The following DCAF6 variants were observed in gnomAD, a reference collection of about 807,000 sequenced individuals.
DCAF6 encodes the protein DDB1 and CUL4 associated factor 6.
DCAF6 carries 54 observed loss-of-function variants against 125.1 expected under a neutral mutation model. The ratio of observed to expected loss-of-function variants is 0.43; its 90% CI spans 0.35 to 0.54. DCAF6 has a LOEUF of 0.54. Among genes scored for constraint, DCAF6 ranks in the 20% least tolerant of loss-of-function variants. DCAF6 has a pLI of 0.01. For synonymous variants in DCAF6, 371 were observed against 390.4 expected (o/e 0.95, Z 0.58); for missense variants, 934 against 1,161.7 (o/e 0.80, Z 2.85).
At position 168,003,895 on chromosome 1, in the gene DCAF6, G is replaced by C; in HGVS notation, c.1023G>C (p.Leu341Phe). 2 of 1,611,038 alleles carry C rather than the reference G, an allele frequency of 1.2e-6. No individual in the cohort carries two copies. Among genetic ancestry groups the C allele is most frequent in the Admixed American group, 3.3e-5 (2 of 59,926 alleles). The part of the protein sequence containing the change: ...RDGEQSPNVS[L>F]MQRMSDMLSR... The stretch of plus-strand genomic sequence containing the variant: ...GAGAGCAGAGTCCCAATGTGTCATT[G>C]ATGCAGAGAATGTCTGATATGTTAT... Residue 341 changes from leucine to phenylalanine, a missense_variant, in exon 9 of 22, where the codon TTG (leucine) becomes TTC (phenylalanine). By Grantham distance (22) the Leu-to-Phe change is conservative. This residue lies in a region of DCAF6 where 559 missense variants were observed against 635.5 expected (regional missense o/e 0.88). Coordinates refer to ENST00000367840, the MANE Select transcript of DCAF6 (RefSeq NM_001198956.2).
At chr1:167,967,064 C>T (rs2272911) in intron 3 of DCAF6, among the ~76,000 whole-genome samples, 31,387 of 151,796 alleles carry the variant, frequency 0.21, 3,867 homozygotes, top group Admixed American at 0.36. Flanking sequence ...TTATGTGTTA[C>T]CTTAATATAT....
chr1:168,025,912 G>A (rs376987488), intron 12 of DCAF6, among the ~76,000 whole-genome samples: 23 of 152,166 alleles, frequency 1.5e-4, no homozygotes, highest in African/African-American at 5.3e-4. Context: ...CTCTAATCTC[G>A]TCTCAGGCCA....
chr1:167,967,109 GT>G (rs1557903084), intron 3 of DCAF6, among the ~76,000 whole-genome samples: 1 of 152,066 alleles, frequency 6.6e-6, no homozygotes. Context: ...TTATTTTAAT[GT>G]TAAGAATAGT....
At chr1:167,900,659 A>G in the DCAF6 span, among the ~76,000 whole-genome samples, 1 of 152,058 alleles carries the variant, frequency 6.6e-6, no homozygotes, top group African/African-American at 2.4e-5. Flanking sequence ...CAGCCTCCCA[A>G]GTAGCTGAGA....
chr1:167,920,775 TACA>T, the DCAF6 span: 21 of 836,870 alleles, frequency 2.5e-5, no homozygotes, highest in African/African-American at 5.2e-5. Context: ...AAATGTAGAT[TACA>T]ACAAAAAAAA....
At chr1:167,879,341 C>A in the DCAF6 span, among the ~76,000 whole-genome samples, 2 of 152,266 alleles carry the variant, frequency 1.3e-5, no homozygotes, top group Admixed American at 6.5e-5. Flanking sequence ...TGCTTGTAAG[C>A]CTTCAATTAA....
intron 17 of DCAF6, among the ~76,000 whole-genome samples, chr1:168,062,913 CTTTT>C (rs372896984): frequency 7.3e-6 from 1 of 136,994 alleles, no homozygotes; most frequent in African/African-American, 2.7e-5. Context: ...TATTAATATT[CTTTT>C]TTTTTTTTTT....
chr1:167,888,370 T>C, the DCAF6 span, among the ~76,000 whole-genome samples: 1 of 152,210 alleles, frequency 6.6e-6, no homozygotes, highest in East Asian at 1.9e-4. Context: ...CTTTGGGTAG[T>C]ATGAACATTC....
At chr1:167,870,274 G>T in the DCAF6 span, 1 of 1,613,618 alleles carries the variant, frequency 6.2e-7, no homozygotes, top group Admixed American at 1.7e-5. Flanking sequence ...TCTTACCTTG[G>T]GCCAGGTACT....
chr1:168,046,596 A>G (rs768824449), intron 16 of DCAF6, among the ~76,000 whole-genome samples: 11 of 152,158 alleles, frequency 7.2e-5, no homozygotes, highest in Non-Finnish European at 1.5e-4. Context: ...ACCTGTACAC[A>G]GTAATCTTGA....
chr1:167,896,837 T>G, the DCAF6 span: 1 of 636,956 alleles, frequency 1.6e-6, no homozygotes, highest in Non-Finnish European at 2.8e-6. Context: ...TTTGTAAAAT[T>G]GAAATTTTAA....
At chr1:167,991,375 C>G in intron 6 of DCAF6, 36 bp downstream of exon 6, 1 of 1,564,760 alleles carries the variant, frequency 6.4e-7, no homozygotes. Flanking sequence ...ATAGGACTGT[C>G]AGTTCAAAGA....
upstream of DCAF6, among the ~76,000 whole-genome samples, chr1:167,931,190 C>T (rs897066930): frequency 4.6e-5 from 7 of 152,196 alleles, no homozygotes; most frequent in Non-Finnish European, 1.0e-4. Flanking sequence ...CCTCGGCCTC[C>T]CAAAGTGCTG....
chr1:168,070,458 A>G (rs998615422), intron 21 of DCAF6, among the ~76,000 whole-genome samples: 2 of 152,160 alleles, frequency 1.3e-5, no homozygotes, highest in African/African-American at 2.4e-5. Context: ...CGGCTCATCC[A>G]TTACTCCAGA....
chr1:168,024,745 A>G (rs898002012), intron 12 of DCAF6, among the ~76,000 whole-genome samples: 1 of 151,126 alleles, frequency 6.6e-6, no homozygotes, highest in African/African-American at 2.4e-5. Context: ...CGGAGGTTAC[A>G]GTGAGCCGAG....
chr1:167,946,024 T>G (rs1673029561), intron 1 of DCAF6, among the ~76,000 whole-genome samples: 1 of 142,654 alleles, frequency 7.0e-6, no homozygotes, highest in African/African-American at 2.6e-5. Flanking sequence ...TGGCACAATC[T>G]CAGCTCACTG....
At chr1:167,967,832 G>A (rs567644113) in intron 3 of DCAF6, among the ~76,000 whole-genome samples, 1 of 147,864 alleles carries the variant, frequency 6.8e-6, no homozygotes, top group African/African-American at 2.5e-5. Flanking sequence ...CTGCGTTCAA[G>A]CGATTCTCCT....
chr1:168,052,370 G>T (rs1572106645), intron 17 of DCAF6, among the ~76,000 whole-genome samples: 1 of 152,258 alleles, frequency 6.6e-6, no homozygotes, highest in African/African-American at 2.4e-5. Flanking sequence ...CACTAAAGTA[G>T]AGATTATCAT....
chr1:168,022,266 G>A (rs1685758932), intron 11 of DCAF6, among the ~76,000 whole-genome samples: 1 of 152,148 alleles, frequency 6.6e-6, no homozygotes. Context: ...TAGAAACCCA[G>A]CATATTAAAA....
Sources: allele counts gnomAD v4.1 joint callset (sites outside exome capture counted in the v4.1 genomes callset), GRCh38; gene constraint gnomAD v4.1.1; regional missense constraint gnomAD v4.1.1; transcripts MANE v1.5; gene names NCBI Gene and HGNC (gene_info 2026-07-23, HGNC 2026-07-21).